Variants in C1GALT1 observed in about 807,000 individuals in gnomAD.
C1GALT1 encodes the protein glycoprotein-N-acetylgalactosamine 3-beta-galactosyltransferase 1.
C1GALT1 carries 11 observed loss-of-function variants against 31.0 expected under a neutral mutation model. The ratio of observed to expected loss-of-function variants is 0.36; its 90% CI spans 0.22 to 0.59. C1GALT1 has a LOEUF of 0.59. Among genes scored for constraint, C1GALT1 ranks in the 20% least tolerant of loss-of-function variants. C1GALT1 has a pLI of 0.79. For synonymous variants in C1GALT1, 175 were observed against 143.6 expected (o/e 1.22, Z -1.56); for missense variants, 424 against 425.2 (o/e 1.00, Z 0.03).
intron 2 of C1GALT1, among the ~76,000 whole-genome samples, chr7:7,174,022 C>G (rs73335339): frequency 1.0e-3 from 158 of 152,244 alleles, no homozygotes; most frequent in African/African-American, 3.7e-3. Context: ...GCCAAATTCA[C>G]TTTCTGGTGA....
At chr7:7,204,817 T>C (rs73674687) in intron 1 of C1GALT1, among the ~76,000 whole-genome samples, 20,538 of 152,164 alleles carry the variant, frequency 0.13, 1,645 homozygotes, top group East Asian at 0.37. Context: ...GGTTGTTTGA[T>C]TTCCACGCAT....
intron 3 of C1GALT1, among the ~76,000 whole-genome samples, chr7:7,239,324 T>C (rs745718586): frequency 6.6e-6 from 1 of 151,842 alleles, no homozygotes; most frequent in Non-Finnish European, 1.5e-5. Context: ...TGGGATGGAG[T>C]CCTCTGGTTT....
chr7:7,192,794 T>C (rs143562451), intron 1 of C1GALT1, among the ~76,000 whole-genome samples: 89 of 152,216 alleles, frequency 5.8e-4, no homozygotes, highest in Non-Finnish European at 8.1e-4. Context: ...TTTCCCTTTT[T>C]ACCACATTGA....
intron 1 of C1GALT1, among the ~76,000 whole-genome samples, chr7:7,207,768 T>A (rs1365950357): frequency 1.3e-5 from 2 of 150,558 alleles, no homozygotes; most frequent in Non-Finnish European, 2.9e-5. Flanking sequence ...TATCCCTTCC[T>A]CAGGGTGTGC....
At chr7:7,230,815 A>C (rs558067011) in intron 1 of C1GALT1, among the ~76,000 whole-genome samples, 1 of 151,830 alleles carries the variant, frequency 6.6e-6, no homozygotes, top group East Asian at 1.9e-4. Flanking sequence ...ATGACTTTAG[A>C]GCTCTTAAAC....
At position 7,238,781 on chromosome 7, in the gene C1GALT1, T is replaced by G; in HGVS notation, c.747T>G (p.Ile249Met). The G allele has an allele frequency of 6.2e-7, 1 of 1,613,744 alleles. No individual in the cohort carries two copies. The highest frequency in any genetic ancestry group is 8.5e-7 in the Non-Finnish European group (1 of 1,179,918). Residue 249 changes from isoleucine (I) to methionine (M), a missense_variant, in exon 3 of 4, where the codon ATT becomes ATG. By Grantham distance (10) the Ile-to-Met change is conservative (BLOSUM62 1). Transcript: ENST00000436587. The surrounding 1 kb of genome is among the most constrained non-coding windows in gnomAD (Gnocchi z 5.2). Reference protein sequence around the residue: ...EDLALGRCMEIMNVEAGDSRD... With the variant: ...EDLALGRCMEMMNVEAGDSRD... ...TAGCACTGGGGAGATGCATGGAAAT[T>G]ATGAATGTAGAAGCAGGAGATTCCA...
intron 1 of C1GALT1, among the ~76,000 whole-genome samples, chr7:7,193,553 C>G (rs115713354): frequency 0.016 from 2,501 of 152,294 alleles, 62 homozygotes; most frequent in African/African-American, 0.056. Flanking sequence ...GTTTCGGTAA[C>G]TATAGCCTTT....
At chr7:7,159,591 G>C (rs997271966) in intron 2 of C1GALT1, among the ~76,000 whole-genome samples, 3 of 151,986 alleles carry the variant, frequency 2.0e-5, no homozygotes, top group Admixed American at 2.0e-4. Context: ...TTCCCCAGAG[G>C]CTCAATAGAA....
chr7:7,197,842 CTGTT>C (rs1400403358), intron 1 of C1GALT1, among the ~76,000 whole-genome samples: 1 of 151,546 alleles, frequency 6.6e-6, no homozygotes, highest in Non-Finnish European at 1.5e-5. Context: ...GGCTCTCTGT[CTGTT>C]ATTGGTGTAT....
intron 1 of C1GALT1, among the ~76,000 whole-genome samples, chr7:7,207,329 C>G (rs1781784680): frequency 1.2e-5 from 1 of 82,208 alleles, no homozygotes; most frequent in Non-Finnish European, 2.5e-5. Context: ...TTCTCTTACT[C>G]TGTTGCTTTT....
intron 1 of C1GALT1, among the ~76,000 whole-genome samples, chr7:7,229,761 G>T (rs1267816300): frequency 6.6e-6 from 1 of 152,172 alleles, no homozygotes; most frequent in Non-Finnish European, 1.5e-5. Context: ...GGGAAAGGGG[G>T]CAGTAGGGAG....
At chr7:7,211,509 A>T (rs10244392) in intron 1 of C1GALT1, among the ~76,000 whole-genome samples, 14,372 of 152,238 alleles carry the variant, frequency 0.094, 815 homozygotes, top group East Asian at 0.16. Context: ...AGCAAAATAC[A>T]ACAGCAATGG....
chr7:7,187,801 C>G (rs187863068), intron 1 of C1GALT1, among the ~76,000 whole-genome samples: 1 of 152,288 alleles, frequency 6.6e-6, no homozygotes, highest in East Asian at 1.9e-4. Flanking sequence ...GTAGACAGTT[C>G]AGGATTGCTG....
At chr7:7,218,265 G>A (rs1335169155) in intron 1 of C1GALT1, among the ~76,000 whole-genome samples, 1 of 152,162 alleles carries the variant, frequency 6.6e-6, no homozygotes, top group African/African-American at 2.4e-5. Flanking sequence ...CTCAGTGTAG[G>A]CTTAGGGATG....
At chr7:7,242,430 G>A (rs1258723177) in intron 3 of C1GALT1, among the ~76,000 whole-genome samples, 1 of 151,978 alleles carries the variant, frequency 6.6e-6, no homozygotes, top group Non-Finnish European at 1.5e-5. Flanking sequence ...CAGAGAAAAC[G>A]CAGTGGACAG....
At chr7:7,213,721 A>C (rs1193306820) in intron 1 of C1GALT1, among the ~76,000 whole-genome samples, 1 of 152,206 alleles carries the variant, frequency 6.6e-6, no homozygotes, top group African/African-American at 2.4e-5. Context: ...AATTAGTTTA[A>C]ATGAAACCTT....
At chr7:7,183,504 T>A (rs1780681697) in intron 1 of C1GALT1, 15 of 857,342 alleles carry the variant, frequency 1.7e-5, no homozygotes, top group Non-Finnish European at 2.0e-5. Context: ...GCATTAAATT[T>A]TTTTTTTTTG....
chr7:7,236,579 T>C lies in C1GALT1; in HGVS notation c.221-1676T>C, dbSNP rs540678380. Reference sequence around the variant, plus strand: ...CTCTGTCACCCAGGCTGGACTGCAGTGGTGGGATCTCGGCTCACTGCAACC... The same window carrying C: ...CTCTGTCACCCAGGCTGGACTGCAGCGGTGGGATCTCGGCTCACTGCAACC... On this transcript the variant is annotated intron_variant, in intron 2 of 3. Coordinates refer to ENST00000436587, the MANE Select transcript of C1GALT1 (RefSeq NM_020156.5). Among the ~76,000 whole-genome samples, 613 of 152,252 alleles carry C rather than the reference T, an allele frequency of 4.0e-3. 4 individuals carry two copies. Among genetic ancestry groups the C allele is most frequent in the African/African-American group, 0.014 (571 of 41,548 alleles).
At position 7,235,971 on chromosome 7, in the gene C1GALT1, A is replaced by G. The variant is rs528950380; in HGVS notation, c.220+1432A>G. Among the ~76,000 whole-genome samples the G allele has an allele frequency of 3.9e-5, 6 of 151,938 alleles. No homozygotes were observed. In the South Asian group the frequency reaches 1.3e-3, roughly 32 times the overall value. ...TACCCATGTACCTGCACTCAACCAAACTTCACCATTCCTTTTGGTGAACTT... is the reference window on the plus strand; with the variant it reads ...TACCCATGTACCTGCACTCAACCAAGCTTCACCATTCCTTTTGGTGAACTT... On this transcript the variant is annotated intron_variant, in intron 2 of 3. Coordinates refer to ENST00000436587, the MANE Select transcript of C1GALT1 (RefSeq NM_020156.5).
Sources: allele counts gnomAD v4.1 joint callset (sites outside exome capture counted in the v4.1 genomes callset), GRCh38; gene constraint gnomAD v4.1.1; non-coding constraint Gnocchi (gnomAD v3.1); transcripts MANE v1.5; gene names NCBI Gene and HGNC (gene_info 2026-07-23, HGNC 2026-07-21).